Variants in DSCAM observed in about 807,000 individuals in gnomAD.
DSCAM encodes DS cell adhesion molecule.
DSCAM carries 47 observed loss-of-function variants against 217.7 expected under a neutral mutation model. The ratio of observed to expected loss-of-function variants is 0.22; its 90% CI spans 0.17 to 0.28. The LOEUF (loss-of-function observed/expected upper bound fraction) is 0.28, where lower values mean the gene tolerates loss of function less well. Among genes scored for constraint, DSCAM ranks in the 10% least tolerant of loss-of-function variants. DSCAM has a pLI of 1.00. For synonymous variants in DSCAM, 1,056 were observed against 1,015.3 expected, an observed-to-expected ratio of 1.04 and a Z score of -0.76; for missense variants, 2,080 against 2,618.3, an observed-to-expected ratio of 0.79 and a Z score of 4.49.
intron 3 of DSCAM, among the ~76,000 whole-genome samples, chr21:40,518,248 C>A (rs532031802): frequency 7.2e-6 from 1 of 139,770 alleles, no homozygotes; most frequent in Non-Finnish European, 1.5e-5. Flanking sequence ...GCCTGAGATG[C>A]GTCCTGTCTT....
intron 3 of DSCAM, among the ~76,000 whole-genome samples, chr21:40,505,381 C>T (rs2076202216): frequency 6.6e-6 from 1 of 151,662 alleles, no homozygotes; most frequent in African/African-American, 2.4e-5. Context: ...TATTTTTAGC[C>T]AGTTTATTTG....
intron 3 of DSCAM, among the ~76,000 whole-genome samples, chr21:40,525,593 T>C (rs1414925027): frequency 2.6e-5 from 4 of 152,208 alleles, no homozygotes; most frequent in Admixed American, 6.5e-5. Flanking sequence ...CTAGTAACTT[T>C]TCAGAGTAAT....
At chr21:40,131,346 A>G (rs1809569330) in intron 19 of DSCAM, among the ~76,000 whole-genome samples, 1 of 152,176 alleles carries the variant, frequency 6.6e-6, no homozygotes, top group African/African-American at 2.4e-5. Flanking sequence ...CCGTTTCTAA[A>G]TTATTGAATT....
intron 4 of DSCAM, among the ~76,000 whole-genome samples, chr21:40,362,133 T>C (rs917313196): frequency 1.3e-4 from 20 of 152,170 alleles, no homozygotes; most frequent in African/African-American, 4.6e-4. Flanking sequence ...TAGTATTCCA[T>C]GGTGTATATG....
chr21:40,389,950 G>A lies in DSCAM; in HGVS notation c.509-20705C>T, dbSNP rs1307053136. On this transcript the variant is annotated intron_variant, in intron 3 of 32. Transcript: ENST00000400454. The stretch of plus-strand genomic sequence containing the variant: ...ATTGTGTGGTCAGAGCTACAAGTCT[G>A]GGTGTTTCTTCTCATCAGGCATCAT... Among the ~76,000 whole-genome samples, 3 of 152,200 alleles carry A rather than the reference G, an allele frequency of 2.0e-5. No individual in the cohort carries two copies. The East Asian group carries it at 5.8e-4, about 29-fold the overall frequency.
chr21:40,027,037 G>A (rs1314973403), intron 32 of DSCAM, among the ~76,000 whole-genome samples: 1 of 152,306 alleles, frequency 6.6e-6, no homozygotes, highest in Admixed American at 6.5e-5. Context: ...TCCATGTTTA[G>A]TGCTTCCTTC....
At chr21:40,142,386 CAA>C (rs1864606457) in intron 18 of DSCAM, among the ~76,000 whole-genome samples, 170 bp downstream of exon 18, 1 of 152,062 alleles carries the variant, frequency 6.6e-6, no homozygotes, top group Non-Finnish European at 1.5e-5. Flanking sequence ...ATGTTTTAAA[CAA>C]AGAGACCTGT....
chr21:40,805,335 T>G (rs1425316255), intron 1 of DSCAM, among the ~76,000 whole-genome samples: 1 of 152,140 alleles, frequency 6.6e-6, no homozygotes, highest in Admixed American at 6.5e-5. Context: ...TCATTCCCCC[T>G]CCATCCTGCC....
chr21:40,482,057 G>A (rs1302754608), intron 3 of DSCAM, among the ~76,000 whole-genome samples: 5 of 152,208 alleles, frequency 3.3e-5, no homozygotes, highest in Non-Finnish European at 7.3e-5. Context: ...CCACTCCGGG[G>A]GGAAGAGCAA....
chr21:40,140,930 AGGGCGGGG>A (rs746646416), intron 18 of DSCAM, among the ~76,000 whole-genome samples: 1,027 of 39,956 alleles, frequency 0.026, 11 homozygotes, highest in Non-Finnish European at 0.049. Context: ...AGGACCAAGG[AGGGCGGGG>A]GGGGGTCCTT....
rs141577549 is a variant in DSCAM at position 40,091,201 on chromosome 21, TCA to T, written c.3850+2518_3850+2519del. Among the ~76,000 whole-genome samples, 118 of 152,086 alleles carry T rather than the reference TCA, an allele frequency of 7.8e-4. 1 individual carries two copies. Among genetic ancestry groups the T allele is most frequent in the African/African-American group, 2.6e-3 (107 of 41,480 alleles). On this transcript the variant is annotated intron_variant, in intron 21 of 32. Transcript: ENST00000400454. ...AAACTGTTCTAAAAAATAAGGTTTA[TCA>T]CACACACACACATGCACACAGAGAG...
intron 3 of DSCAM, among the ~76,000 whole-genome samples, chr21:40,480,202 C>G (rs1463252523): frequency 6.6e-6 from 1 of 152,148 alleles, no homozygotes; most frequent in African/African-American, 2.4e-5. Context: ...TTCCTTGTGC[C>G]CTGACTTAGG....
At chr21:40,457,307 T>C (rs1042309140) in intron 3 of DSCAM, among the ~76,000 whole-genome samples, 1 of 151,882 alleles carries the variant, frequency 6.6e-6, no homozygotes, top group Non-Finnish European at 1.5e-5. Context: ...AGCCTAGGAG[T>C]TCGAGACCAG....
chr21:40,686,032 C>A (rs2090469058), intron 3 of DSCAM, among the ~76,000 whole-genome samples: 1 of 152,100 alleles, frequency 6.6e-6, no homozygotes, highest in African/African-American at 2.4e-5. Context: ...AAGTCATATT[C>A]CAGAAACTTA....
Position 40,360,121 on chromosome 21 carries a change from G to GTTTTT in DSCAM, c.656-6379_656-6378insAAAAA, listed in dbSNP as rs764160478. On this transcript the variant is annotated intron_variant, in intron 4 of 32. Transcript: ENST00000400454. ...TAGTGAGCATGGTACTTCATAGGTA[G>GTTTTT]TCTTTTTTTTTTTTTTTTTTTTTTT... 6.5e-4 allele frequency among the ~76,000 whole-genome samples: 54 copies of GTTTTT among 82,630 alleles called. 17 individuals are homozygous for GTTTTT. The highest frequency in any genetic ancestry group is 1.4e-3 in the African/African-American group (27 of 19,922). 54.2% of individuals were successfully genotyped at this position (82,630 alleles called of 152,430 possible).
intron 15 of DSCAM, among the ~76,000 whole-genome samples, chr21:40,171,932 A>G (rs2090663038): frequency 6.6e-6 from 1 of 152,216 alleles, no homozygotes; most frequent in South Asian, 2.1e-4. Flanking sequence ...TTATTTAACT[A>G]AATTTGAAAA....
At chr21:40,768,860 CT>C (rs1297591739) in intron 1 of DSCAM, among the ~76,000 whole-genome samples, 1 of 152,150 alleles carries the variant, frequency 6.6e-6, no homozygotes, top group African/African-American at 2.4e-5. Context: ...TATGGAAGAT[CT>C]TATAGAACAA....
At chr21:40,548,658 TC>T (rs1160598426) in intron 3 of DSCAM, among the ~76,000 whole-genome samples, 1 of 152,306 alleles carries the variant, frequency 6.6e-6, no homozygotes, top group Admixed American at 6.5e-5. Flanking sequence ...CCTCTTACTT[TC>T]CTTCTCAATT....
intron 3 of DSCAM, among the ~76,000 whole-genome samples, chr21:40,547,174 T>A (rs1431829961): frequency 6.6e-6 from 1 of 152,094 alleles, no homozygotes; most frequent in African/African-American, 2.4e-5. Flanking sequence ...TGTCCCCCGG[T>A]GTAGACACAA....
Sources: gnomAD v4.1 joint callset for allele counts (sites outside exome capture counted in the v4.1 genomes callset) on GRCh38, gnomAD v4.1.1 for gene constraint, MANE v1.5 for transcripts, NCBI Gene and HGNC (gene_info 2026-07-23, HGNC 2026-07-21) for gene names.